The following C1QTNF3 variants were observed in gnomAD, a reference collection of about 807,000 sequenced individuals.
C1QTNF3 encodes the protein C1q and TNF related 3.
A neutral mutation model predicts 32.6 loss-of-function variants in C1QTNF3; 26 were observed. That is an observed-to-expected ratio of 0.80 (90% CI 0.58 to 1.11). C1QTNF3 has a LOEUF of 1.11. Ranked by LOEUF, C1QTNF3 falls within the 50% of genes least tolerant of loss-of-function variation. The pLI is 0.00. For synonymous variants in C1QTNF3, 155 were observed against 146.0 expected (o/e 1.06, Z -0.44); for missense variants, 362 against 398.2 (o/e 0.91, Z 0.77).
the C1QTNF3 span, among the ~76,000 whole-genome samples, chr5:34,083,298 C>T: frequency 3.2e-4 from 49 of 151,504 alleles, no homozygotes; most frequent in African/African-American, 1.0e-3. Context: ...TTAGTAAAGG[C>T]GATTTAATCC....
At chr5:34,107,551 T>C in the C1QTNF3 span, among the ~76,000 whole-genome samples, 1 of 151,650 alleles carries the variant, frequency 6.6e-6, no homozygotes, top group Non-Finnish European at 1.5e-5. Context: ...ATTAAGAAAA[T>C]TAATTATTAA....
the C1QTNF3 span, among the ~76,000 whole-genome samples, chr5:34,059,548 A>C: frequency 6.6e-6 from 1 of 152,156 alleles, no homozygotes; most frequent in Non-Finnish European, 1.5e-5. Flanking sequence ...CTGTGCCTTC[A>C]CATGGCAATA....
the C1QTNF3 span, among the ~76,000 whole-genome samples, chr5:34,084,448 CT>C: frequency 6.6e-6 from 1 of 151,658 alleles, no homozygotes; most frequent in South Asian, 2.1e-4. Context: ...AGAAAATATG[CT>C]TACATTCCAG....
chr5:34,173,290 T>A, the C1QTNF3 span, among the ~76,000 whole-genome samples: 2 of 152,052 alleles, frequency 1.3e-5, no homozygotes, highest in Non-Finnish European at 2.9e-5. Context: ...TTTCACAGTA[T>A]ATTTTAGTTA....
chr5:34,070,190 T>C, the C1QTNF3 span, among the ~76,000 whole-genome samples: 5 of 152,152 alleles, frequency 3.3e-5, no homozygotes, highest in Non-Finnish European at 7.4e-5. Flanking sequence ...TTGCACTCAT[T>C]TCTTCTTCTA....
rs552945929 is a variant in C1QTNF3 at position 34,030,607 on chromosome 5, A to T, written c.571-1724T>A. Among the ~76,000 whole-genome samples the T allele has an allele frequency of 6.6e-5, 10 of 152,380 alleles. No homozygotes were observed. In the South Asian group the frequency reaches 1.9e-3, roughly 28 times the overall value. ...AATACAAAATGTTAACAATAATTTT[A>T]AAAGCCTTGAGACAATTCCGCCTGT... On this transcript the variant is annotated intron_variant, in intron 3 of 5. Transcript: ENST00000382065.
intron 4 of C1QTNF3, 194 bp from the exon 5 acceptor site, chr5:34,024,202 A>G (rs1217225306): frequency 5.5e-6 from 3 of 550,400 alleles, no homozygotes; most frequent in South Asian, 2.0e-5. Flanking sequence ...CAATGTGTAC[A>G]CTGTGTATCC....
At chr5:34,109,763 C>T in the C1QTNF3 span, among the ~76,000 whole-genome samples, 1 of 152,272 alleles carries the variant, frequency 6.6e-6, no homozygotes, top group Non-Finnish European at 1.5e-5. Context: ...CCAGCGTTGC[C>T]TTGTGAAACA....
At chr5:34,120,789 C>T in the C1QTNF3 span, among the ~76,000 whole-genome samples, 2 of 152,292 alleles carry the variant, frequency 1.3e-5, no homozygotes, top group Middle Eastern at 3.4e-3. Context: ...GTCCATGAAA[C>T]CTCTTTCTTT....
chr5:34,056,120 C>T, the C1QTNF3 span, among the ~76,000 whole-genome samples: 8 of 152,088 alleles, frequency 5.3e-5, no homozygotes, highest in African/African-American at 1.4e-4. Flanking sequence ...AGAAAAATCT[C>T]ATTACTTTCG....
chr5:34,220,237 C>T, the C1QTNF3 span, among the ~76,000 whole-genome samples: 16 of 151,978 alleles, frequency 1.1e-4, no homozygotes, highest in Middle Eastern at 3.4e-3. Context: ...AATTAGGGAT[C>T]GTTTGTTTCT....
chr5:34,196,630 G>T, the C1QTNF3 span, among the ~76,000 whole-genome samples: 1 of 152,272 alleles, frequency 6.6e-6, no homozygotes, highest in African/African-American at 2.4e-5. Context: ...TTTGAAATAT[G>T]GCTAGTGCAA....
chr5:34,143,123 C>T, the C1QTNF3 span, among the ~76,000 whole-genome samples: 1 of 152,166 alleles, frequency 6.6e-6, no homozygotes, highest in Non-Finnish European at 1.5e-5. Flanking sequence ...AAATTCACTA[C>T]AAGATATATA....
the C1QTNF3 span, among the ~76,000 whole-genome samples, chr5:34,135,092 A>G: frequency 2.0e-5 from 3 of 152,166 alleles, no homozygotes; most frequent in Non-Finnish European, 4.4e-5. Context: ...GTTACGTTCT[A>G]TCAATAACCT....
rs557243038 is a variant in C1QTNF3 at position 34,028,630 on chromosome 5, C to T, written c.700+124G>A. On this transcript the variant is annotated intron_variant, in intron 4 of 5. Transcript: ENST00000382065. ...CCTTAATGTCATTCTTTATTTCCTA[C>T]TCCCTTCCTCCTTCTTTCTCTCCCT... 5.2e-6 allele frequency: 4 copies of T among 775,496 alleles called. No homozygotes were observed. The East Asian group carries it at 1.2e-4, about 24-fold the overall frequency. 48.0% of individuals were successfully genotyped at this position (775,496 alleles called of 1,614,324 possible).
the C1QTNF3 span, among the ~76,000 whole-genome samples, chr5:34,142,782 T>C: frequency 6.6e-6 from 1 of 152,332 alleles, no homozygotes; most frequent in African/African-American, 2.4e-5. Context: ...AAAAGCCAAC[T>C]GACCATACTC....
chr5:34,039,093 G>A (rs1754809579), intron 1 of C1QTNF3, among the ~76,000 whole-genome samples: 1 of 152,062 alleles, frequency 6.6e-6, no homozygotes, highest in South Asian at 2.1e-4. Context: ...GACCTCCTAG[G>A]AGCATTTGGC....
chr5:34,135,156 T>C, the C1QTNF3 span, among the ~76,000 whole-genome samples: 1 of 152,220 alleles, frequency 6.6e-6, no homozygotes, highest in East Asian at 1.9e-4. Flanking sequence ...TGAAGGTCTT[T>C]TCCGCATCTG....
chr5:34,225,804 C>T, the C1QTNF3 span, among the ~76,000 whole-genome samples: 5 of 152,040 alleles, frequency 3.3e-5, no homozygotes, highest in South Asian at 1.0e-3. Flanking sequence ...AATTATCTCT[C>T]TGACCTAAAC....
Sources: allele counts gnomAD v4.1 joint callset (sites outside exome capture counted in the v4.1 genomes callset), GRCh38; gene constraint gnomAD v4.1.1; transcripts MANE v1.5; gene names NCBI Gene and HGNC (gene_info 2026-07-23, HGNC 2026-07-21).